SLC6A6: variants seen among roughly 807,000 people sequenced by gnomAD.
SLC6A6 encodes sodium- and chloride-dependent taurine transporter.
SLC6A6 carries 16 observed loss-of-function variants against 68.8 expected under a neutral mutation model. That is an observed-to-expected ratio of 0.23 (90% CI 0.16 to 0.35). The LOEUF (loss-of-function observed/expected upper bound fraction) is 0.35, where lower values mean the gene tolerates loss of function less well. Ranked by LOEUF, SLC6A6 falls within the 10% of genes least tolerant of loss-of-function variation. The pLI, the probability that SLC6A6 is intolerant of heterozygous loss-of-function variation, is 1.00. For synonymous variants in SLC6A6, 312 were observed against 315.4 expected, an observed-to-expected ratio of 0.99 and a Z score of 0.12; for missense variants, 474 against 802.8, an observed-to-expected ratio of 0.59 and a Z score of 4.95.
At chr3:14,406,430 T>C (rs1252507546) in intron 1 of SLC6A6, among the ~76,000 whole-genome samples, 1 of 152,178 alleles carries the variant, frequency 6.6e-6, no homozygotes, top group Non-Finnish European at 1.5e-5. Context: ...AGAACCCTGA[T>C]GGTGAGTAAG....
chr3:14,481,764 C>T lies in SLC6A6; in HGVS notation c.1645C>T (p.Leu549=). 1 of 1,614,062 alleles carries T rather than the reference C, an allele frequency of 6.2e-7. No homozygotes were observed. Among genetic ancestry groups the T allele is most frequent in the Non-Finnish European group, 8.5e-7 (1 of 1,179,912 alleles). The change falls in exon 14 of 15, where the codon CTG becomes TTG. Residue 549 remains leucine (L), a synonymous_variant. Transcript: ENST00000622186. This position sits in a 1 kb window ranked among gnomAD's most constrained non-coding sequence, Gnocchi z 4.7. ...PNWAIGLGWS[L]ALSSMLCVPL... is the part of the protein sequence containing the mutation. The stretch of plus-strand genomic sequence containing the variant: ...CTGGGCCATTGGGCTGGGCTGGAGC[C>T]TGGCCCTTTCCTCCATGCTCTGCGT...
At chr3:14,445,647 G>T in intron 3 of SLC6A6, 70 bp from the exon 4 acceptor site, 1 of 1,571,732 alleles carries the variant, frequency 6.4e-7, no homozygotes, top group Admixed American at 1.7e-5. Context: ...TGGCTGGGAG[G>T]GCTTGGGAGC....
chr3:14,485,399 T>C lies in SLC6A6; in HGVS notation c.*392T>C, dbSNP rs1701131503. 1 of 156,158 alleles carries C rather than the reference T, an allele frequency of 6.4e-6. No homozygotes were observed. Among genetic ancestry groups the C allele is most frequent in the Non-Finnish European group, 1.4e-5 (1 of 70,382 alleles). 9.7% of individuals were successfully genotyped at this position (156,158 alleles called of 1,614,324 possible). On this transcript the variant is annotated 3_prime_UTR_variant, in exon 15 of 15. Coordinates refer to ENST00000622186, the MANE Select transcript of SLC6A6 (RefSeq NM_003043.6). ...CTTGAATTGATCTTCTTGCCAGCAA[T>C]AGATCTCATTTTCAAAAGCAATTCT...
chr3:14,461,606 T>C (rs999019586), intron 6 of SLC6A6, among the ~76,000 whole-genome samples: 1 of 152,208 alleles, frequency 6.6e-6, no homozygotes, highest in Non-Finnish European at 1.5e-5. Context: ...CTCTTCGCTG[T>C]TGGCCTCCGG....
At chr3:14,404,074 A>T (rs1699049765) in intron 1 of SLC6A6, among the ~76,000 whole-genome samples, 1 of 152,216 alleles carries the variant, frequency 6.6e-6, no homozygotes, top group South Asian at 2.1e-4. Flanking sequence ...CTTCGGGCTG[A>T]GGTTTACTGG....
intron 6 of SLC6A6, among the ~76,000 whole-genome samples, chr3:14,461,770 C>T (rs1223889060): frequency 2.0e-5 from 3 of 152,336 alleles, no homozygotes; most frequent in South Asian, 2.1e-4. Flanking sequence ...AGTGAAGCCC[C>T]TCACCAACAG....
At chr3:14,476,218 C>T (rs1700875454) in intron 10 of SLC6A6, among the ~76,000 whole-genome samples, 2 of 152,178 alleles carry the variant, frequency 1.3e-5, no homozygotes, top group Admixed American at 6.5e-5. Context: ...TAAGACTGTG[C>T]TACATGCACA....
At chr3:14,426,228 C>T (rs1699594010) in intron 2 of SLC6A6, among the ~76,000 whole-genome samples, 2 of 152,212 alleles carry the variant, frequency 1.3e-5, no homozygotes, top group Admixed American at 6.5e-5. Context: ...GCAGTGGTTA[C>T]CGATCCAGAC....
intron 5 of SLC6A6, among the ~76,000 whole-genome samples, chr3:14,448,370 C>T (rs1429488358): frequency 6.6e-6 from 1 of 152,142 alleles, no homozygotes; most frequent in Non-Finnish European, 1.5e-5. Context: ...CTGGGCAGTT[C>T]TTCTGGTCTT....
intron 2 of SLC6A6, among the ~76,000 whole-genome samples, chr3:14,433,681 G>A (rs1288590066): frequency 6.6e-6 from 1 of 151,914 alleles, no homozygotes; most frequent in African/African-American, 2.4e-5. Context: ...GCAGGCACCT[G>A]TAATCCCAGC....
chr3:14,479,774 T>A (rs550558818), intron 13 of SLC6A6, among the ~76,000 whole-genome samples: 1 of 152,140 alleles, frequency 6.6e-6, no homozygotes, highest in East Asian at 1.9e-4. Flanking sequence ...CATGTTGGAG[T>A]TGGCCTTGGC....
intron 2 of SLC6A6, among the ~76,000 whole-genome samples, chr3:14,441,247 A>G (rs902992612): frequency 3.3e-5 from 5 of 151,944 alleles, no homozygotes; most frequent in African/African-American, 7.3e-5. Flanking sequence ...CTCCAGGGTC[A>G]TTTCCTGAGA....
intron 7 of SLC6A6, among the ~76,000 whole-genome samples, chr3:14,466,962 C>T (rs1022965981): frequency 1.3e-5 from 2 of 152,192 alleles, no homozygotes; most frequent in African/African-American, 2.4e-5. Flanking sequence ...GTCTCCCGCT[C>T]GGACCCAGCT....
At chr3:14,460,795 C>T (rs1472856268) in intron 6 of SLC6A6, among the ~76,000 whole-genome samples, 1 of 152,244 alleles carries the variant, frequency 6.6e-6, no homozygotes, top group African/African-American at 2.4e-5. Flanking sequence ...ATAGCAGAGC[C>T]TGGGCCAGGC....
intron 2 of SLC6A6, among the ~76,000 whole-genome samples, chr3:14,419,991 T>C (rs904120263): frequency 6.6e-6 from 1 of 152,062 alleles, no homozygotes; most frequent in Non-Finnish European, 1.5e-5. Context: ...CATATAGGAG[T>C]GTTGATATAA....
In SLC6A6 at chr3:14,478,472, A is replaced by G. The variant is rs1367433173; in HGVS notation, c.1354A>G (p.Met452Val). 1.9e-6 allele frequency: 3 copies of G among 1,609,116 alleles called. No individual in the cohort carries two copies. The highest frequency in any genetic ancestry group is 1.1e-5 in the South Asian group (1 of 90,728). Residue 452 changes from methionine to valine, a missense_variant, in exon 12 of 15, where the codon ATG (methionine) becomes GTG (valine). Physicochemically the swap from Met to Val is conservative, Grantham distance 21. Around this residue, in one of 2 missense-constraint regions of SLC6A6, gnomAD observed 194 missense variants for 269.8 expected, o/e 0.72. Transcript: ENST00000622186. ...LGLTMVTEGG[M>V]YVFQLFDYYA... The stretch of plus-strand genomic sequence containing the variant: ...GTGGTTTTTTTCTTCACAGGGTGGC[A>G]TGTATGTGTTTCAGCTCTTTGACTA...
chr3:14,439,444 C>A (rs1699932899), intron 2 of SLC6A6, among the ~76,000 whole-genome samples: 1 of 152,214 alleles, frequency 6.6e-6, no homozygotes, highest in Non-Finnish European at 1.5e-5. Flanking sequence ...TCAAATCTGA[C>A]CAGGTGATCT....
chr3:14,448,954 G>A (rs1700193726), intron 5 of SLC6A6, among the ~76,000 whole-genome samples: 1 of 152,262 alleles, frequency 6.6e-6, no homozygotes, highest in Admixed American at 6.5e-5. Flanking sequence ...AAGGTTGTGA[G>A]CCAGGGGCAG....
chr3:14,409,400 T>G (rs569715907), intron 1 of SLC6A6, among the ~76,000 whole-genome samples: 58 of 152,384 alleles, frequency 3.8e-4, no homozygotes, highest in African/African-American at 1.3e-3. Flanking sequence ...TCATATTTAT[T>G]GAGCATCCAC....
Sources: gnomAD v4.1 joint callset for allele counts (sites outside exome capture counted in the v4.1 genomes callset) on GRCh38, gnomAD v4.1.1 for gene constraint, gnomAD v4.1.1 regional missense constraint, Gnocchi (gnomAD v3.1) non-coding constraint, MANE v1.5 for transcripts, NCBI Gene and HGNC (gene_info 2026-07-23, HGNC 2026-07-21) for gene names.